Variants in DIRAS2 observed in about 807,000 individuals in gnomAD.
The protein encoded by DIRAS2 is GTP-binding protein Di-Ras2.
A neutral mutation model predicts 13.9 loss-of-function variants in DIRAS2; 5 were observed. The ratio of observed to expected loss-of-function variants is 0.36; its 90% confidence interval spans 0.19 to 0.76. DIRAS2 has a LOEUF of 0.76. Among genes scored for constraint, DIRAS2 ranks in the 30% least tolerant of loss-of-function variants. The probability of loss-of-function intolerance (pLI) is 0.53; values close to 1 mark genes in which losing one functional copy is unlikely to be tolerated. For missense variants in DIRAS2, 191 were observed against 263.0 expected (o/e 0.73, Z 1.89); for synonymous variants, 111 against 105.4 (o/e 1.05, Z -0.33).
chr9:90,642,630 G>C (rs890633512), intron 1 of DIRAS2, 122 bp downstream of exon 1: 1 of 153,026 alleles, frequency 6.5e-6, no homozygotes, highest in Admixed American at 6.5e-5. Context: ...TCCAGTACAC[G>C]CTGACTCGCC....
At chr9:90,627,702 A>G (rs1825284866) in intron 1 of DIRAS2, among the ~76,000 whole-genome samples, 1 of 152,236 alleles carries the variant, frequency 6.6e-6, no homozygotes, top group South Asian at 2.1e-4. Flanking sequence ...TATATATTTT[A>G]CCATAATAAA....
chr9:90,627,998 T>C (rs1352264470), intron 1 of DIRAS2, among the ~76,000 whole-genome samples: 1 of 151,744 alleles, frequency 6.6e-6, no homozygotes, highest in Non-Finnish European at 1.5e-5. Flanking sequence ...CTGCACATTC[T>C]GCATAAGTAG....
chr9:90,616,964 G>A (rs570410083), intron 1 of DIRAS2, among the ~76,000 whole-genome samples: 3 of 152,258 alleles, frequency 2.0e-5, no homozygotes, highest in East Asian at 1.9e-4. Flanking sequence ...AGAACCTAGT[G>A]GGGAATCTAG....
chr9:90,628,915 C>A (rs1022309799), intron 1 of DIRAS2, among the ~76,000 whole-genome samples: 9 of 151,718 alleles, frequency 5.9e-5, no homozygotes, highest in East Asian at 1.9e-4. Context: ...AGTGCAGTGG[C>A]GCAATCTCGG....
At chr9:90,627,978 T>A (rs1190596634) in intron 1 of DIRAS2, among the ~76,000 whole-genome samples, 2 of 151,818 alleles carry the variant, frequency 1.3e-5, no homozygotes, top group Non-Finnish European at 2.9e-5. Flanking sequence ...TGTATACCTA[T>A]GTAGCAAACC....
intron 1 of DIRAS2, among the ~76,000 whole-genome samples, chr9:90,627,554 T>C (rs516645): frequency 0.2 from 31,157 of 152,036 alleles, 3,771 homozygotes; most frequent in East Asian, 0.32. Flanking sequence ...GTTTCATGAG[T>C]ATGGAGTTTG....
intron 1 of DIRAS2, among the ~76,000 whole-genome samples, chr9:90,641,426 TA>T (rs1825418192): frequency 1.3e-5 from 2 of 152,204 alleles, no homozygotes; most frequent in South Asian, 4.1e-4. Flanking sequence ...ATTACCAAAT[TA>T]AATGCCATAT....
intron 1 of DIRAS2, among the ~76,000 whole-genome samples, chr9:90,618,465 A>C (rs1034728336): frequency 6.6e-6 from 1 of 152,240 alleles, no homozygotes; most frequent in South Asian, 2.1e-4. Flanking sequence ...AACTCTTAGA[A>C]GAAAACATAG....
chr9:90,627,459 C>T (rs1564021081), intron 1 of DIRAS2, among the ~76,000 whole-genome samples: 1 of 152,030 alleles, frequency 6.6e-6, no homozygotes. Context: ...TCACTTATAG[C>T]GGGTACATAT....
At chr9:90,627,288 G>C (rs1013584211) in intron 1 of DIRAS2, among the ~76,000 whole-genome samples, 2 of 152,114 alleles carry the variant, frequency 1.3e-5, no homozygotes, top group African/African-American at 4.8e-5. Context: ...TGAAGTCTCC[G>C]GGATTTCTTT....
At chr9:90,635,186 G>A (rs1825359496) in intron 1 of DIRAS2, among the ~76,000 whole-genome samples, 2 of 152,188 alleles carry the variant, frequency 1.3e-5, no homozygotes, top group South Asian at 4.1e-4. Flanking sequence ...CAGAAACGTG[G>A]TCTAGGCTTC....
intron 1 of DIRAS2, among the ~76,000 whole-genome samples, chr9:90,637,509 C>T (rs889013655): frequency 1.3e-5 from 2 of 152,114 alleles, no homozygotes; most frequent in Non-Finnish European, 1.5e-5. Flanking sequence ...ATCACCTGTC[C>T]CATGAAGGTG....
intron 1 of DIRAS2, among the ~76,000 whole-genome samples, chr9:90,615,332 T>G (rs1308164205): frequency 6.6e-6 from 1 of 152,216 alleles, no homozygotes; most frequent in Non-Finnish European, 1.5e-5. Flanking sequence ...TGTTCTTGCA[T>G]GCACTTTGGA....
At chr9:90,624,951 C>G (rs1825254912) in intron 1 of DIRAS2, among the ~76,000 whole-genome samples, 1 of 152,216 alleles carries the variant, frequency 6.6e-6, no homozygotes, top group Non-Finnish European at 1.5e-5. Context: ...TTAAGACTGC[C>G]CAGAGCCTAA....
Position 90,610,298 on chromosome 9 carries a change from C to G in DIRAS2, c.*2930G>C. On this transcript the variant is annotated 3_prime_UTR_variant, in exon 2 of 2. Transcript: ENST00000375765. ...GCTTACAGATATGTACAATTTATGACTTTATACTTCAAAAATGCAGGAAGA... is the reference window on the plus strand; with the variant it reads ...GCTTACAGATATGTACAATTTATGAGTTTATACTTCAAAAATGCAGGAAGA... The G allele has an allele frequency of 2.5e-6, 1 of 397,406 alleles. No individual in the cohort carries two copies. The highest frequency in any genetic ancestry group is 4.4e-6 in the Non-Finnish European group (1 of 225,604). The allele number at this position is 397,406 out of a possible 1,614,324, so 24.6% of individuals were successfully genotyped here.
At chr9:90,637,366 T>A (rs1178784617) in intron 1 of DIRAS2, among the ~76,000 whole-genome samples, 3 of 152,202 alleles carry the variant, frequency 2.0e-5, no homozygotes, top group Non-Finnish European at 4.4e-5. Context: ...AACCTTATAC[T>A]TAAATATTTC....
Position 90,613,310 on chromosome 9 carries a change from GT to G in DIRAS2, c.517del (p.Thr173ProfsTer2). On this transcript the variant is annotated frameshift_variant, in exon 2 of 2. Coordinates refer to ENST00000375765, the MANE Select transcript of DIRAS2 (RefSeq NM_017594.5). LOFTEE classifies it high-confidence loss of function. This position sits in a 1 kb window ranked among gnomAD's most constrained non-coding sequence, Gnocchi z 5.6. The stretch of plus-strand genomic sequence containing the variant: ...TTTCCCGTCGATCTGGAGACTCACG[GT>G]CCTGCGCTTCTCCAGGTTGAGCAGC... ...QELLNLEKRR[T>X]VSLQIDGKKS... 6.2e-7 allele frequency: 1 copy of G among 1,613,932 alleles called. No individual in the cohort carries two copies. Among genetic ancestry groups the G allele is most frequent in the Non-Finnish European group, 8.5e-7 (1 of 1,180,008 alleles).
intron 1 of DIRAS2, among the ~76,000 whole-genome samples, chr9:90,618,563 G>A (rs1224890537): frequency 6.6e-6 from 1 of 152,170 alleles, no homozygotes; most frequent in Admixed American, 6.5e-5. Context: ...CTAGGTAAAT[G>A]TGACTTCATC....
intron 1 of DIRAS2, among the ~76,000 whole-genome samples, chr9:90,638,834 T>C (rs1265857573): frequency 2.6e-5 from 4 of 152,152 alleles, no homozygotes; most frequent in African/African-American, 7.2e-5. Context: ...TTCCTTTTTG[T>C]TCCGCATCTT....
Sources: gnomAD v4.1 joint callset for allele counts (sites outside exome capture counted in the v4.1 genomes callset) on GRCh38, gnomAD v4.1.1 for gene constraint, Gnocchi (gnomAD v3.1) non-coding constraint, MANE v1.5 for transcripts, NCBI Gene and HGNC (gene_info 2026-07-23, HGNC 2026-07-21) for gene names.